GNL2: variants seen among roughly 807,000 people sequenced by gnomAD.
The protein encoded by GNL2 is G protein nucleolar 2.
Under a neutral mutation model 92.3 loss-of-function variants are expected in GNL2, and 51 were observed. The observed-to-expected ratio is 0.55, with a 90% CI of 0.44 to 0.70. GNL2 has a LOEUF of 0.70. GNL2 is among the 30% of genes least tolerant of loss of function. The pLI is 0.00. For missense variants in GNL2, 844 were observed against 895.6 expected, an observed-to-expected ratio of 0.94 and a Z score of 0.74; for synonymous variants, 283 against 300.6, an observed-to-expected ratio of 0.94 and a Z score of 0.61.
chr1:37,568,141 T>C, intron 14 of GNL2, 134 bp downstream of exon 14: 1 of 639,132 alleles, frequency 1.6e-6, no homozygotes, highest in South Asian at 2.0e-5. Context: ...TAACACTATG[T>C]AAATTTAAAG....
At chr1:37,567,630 T>C in intron 15 of GNL2, 43 bp downstream of exon 15, 1 of 1,268,604 alleles carries the variant, frequency 7.9e-7, no homozygotes, top group Non-Finnish European at 1.2e-6. Flanking sequence ...ACTGGAGTTC[T>C]AGTTACTCTA....
At chr1:37,592,346 T>G (rs1298411871) in intron 3 of GNL2, among the ~76,000 whole-genome samples, 1 of 152,164 alleles carries the variant, frequency 6.6e-6, no homozygotes, top group Non-Finnish European at 1.5e-5. Context: ...AACTTCGGGC[T>G]AATGCACTTA....
chr1:37,581,190 A>G (rs902453635), intron 8 of GNL2, among the ~76,000 whole-genome samples: 1 of 152,202 alleles, frequency 6.6e-6, no homozygotes, highest in Non-Finnish European at 1.5e-5. Flanking sequence ...AATCATAAGC[A>G]TGTACTAAAA....
chr1:37,571,961 A>AG (rs1314262232), intron 12 of GNL2, among the ~76,000 whole-genome samples: 1 of 151,684 alleles, frequency 6.6e-6, no homozygotes, highest in Non-Finnish European at 1.5e-5. Context: ...TTCCAGCCAC[A>AG]GTGACCTCCT....
In GNL2 at chr1:37,569,236, T is replaced by C. The variant is rs764582832; in HGVS notation, c.1483A>G (p.Thr495Ala). 8 of 1,613,734 alleles carry C rather than the reference T, an allele frequency of 5.0e-6. No individual in the cohort carries two copies. The highest frequency in any genetic ancestry group is 1.7e-5 in the Admixed American group (1 of 60,006). Residue 495 changes from threonine to alanine, a missense_variant, in exon 13 of 16, where the codon ACA becomes GCA. By Grantham distance (58) the Thr-to-Ala change is moderately conservative. Coordinates refer to ENST00000373062, the MANE Select transcript of GNL2 (RefSeq NM_013285.3). Reference protein sequence around the residue: ...AAQNNPGEEVTETAGEGSESI... With the variant: ...AAQNNPGEEVAETAGEGSESI... ...TCTGACCCTTCACCTGCAGTTTCTGTGACTTCCTCCCCTGGATTGTTCTGG... is the reference window on the plus strand; with the variant it reads ...TCTGACCCTTCACCTGCAGTTTCTGCGACTTCCTCCCCTGGATTGTTCTGG...
At chr1:37,572,527 T>C (rs1330701346) in intron 12 of GNL2, among the ~76,000 whole-genome samples, 1 of 152,162 alleles carries the variant, frequency 6.6e-6, no homozygotes, top group African/African-American at 2.4e-5. Flanking sequence ...CATGTCTATG[T>C]AATGAAACCT....
intron 12 of GNL2, among the ~76,000 whole-genome samples, chr1:37,573,719 T>C (rs1643631283): frequency 6.6e-6 from 1 of 152,220 alleles, no homozygotes; most frequent in African/African-American, 2.4e-5. Flanking sequence ...ATGAGCCCTC[T>C]TTTTCCAAGG....
At chr1:37,583,039 ACTT>A in intron 6 of GNL2, 103 bp from the exon 7 acceptor site, 1 of 716,638 alleles carries the variant, frequency 1.4e-6, no homozygotes, top group Non-Finnish European at 2.2e-6. Context: ...TTTAGAGACA[ACTT>A]CAAAACAGTC....
rs1164225360 is a variant in GNL2 at position 37,568,929 on chromosome 1, A to C, written c.1790T>G (p.Ile597Ser). Residue 597 changes from isoleucine (I) to serine (S), a missense_variant, in exon 13 of 16, where the codon ATT becomes AGT. Coordinates refer to ENST00000373062, the MANE Select transcript of GNL2 (RefSeq NM_013285.3). Reference sequence around the variant, plus strand: ...GGCAATCTTCTCATCCAGTGCTTTAATAACGGCTTTGGTGTCGTTTCCCAC... The same window carrying C: ...GGCAATCTTCTCATCCAGTGCTTTACTAACGGCTTTGGTGTCGTTTCCCAC... ...ENVGNDTKAV[I>S]KALDEKIAKY... The C allele has an allele frequency of 1.2e-6, 2 of 1,614,194 alleles. No individual in the cohort carries two copies. Among genetic ancestry groups the C allele is most frequent in the South Asian group, 2.2e-5 (2 of 91,082 alleles).
rs201824082 is a variant in GNL2 at position 37,582,907 on chromosome 1, T to C, written c.666A>G (p.Gln222=). 153 of 1,612,788 alleles carry C rather than the reference T, an allele frequency of 9.5e-5. No individual in the cohort carries two copies. The highest frequency in any genetic ancestry group is 1.3e-4 in the Non-Finnish European group (148 of 1,179,258). ...KVIDSSDVVV[Q]VLDARDPMGT... is the part of the protein sequence containing the mutation. ...CCATTGGATCTCTAGCATCAAGAACTTGAACTACAACATCTGATGAATCTA... is the reference window on the plus strand; with the variant it reads ...CCATTGGATCTCTAGCATCAAGAACCTGAACTACAACATCTGATGAATCTA... Residue 222 remains glutamine (Q), a synonymous_variant, in exon 7 of 16, where the codon CAA becomes CAG. Coordinates refer to ENST00000373062, the MANE Select transcript of GNL2 (RefSeq NM_013285.3).
In GNL2 at chr1:37,569,149, G is replaced by C. The variant is rs145042243; in HGVS notation, c.1570C>G (p.Gln524Glu). 1 of 1,614,022 alleles carries C rather than the reference G, an allele frequency of 6.2e-7. No individual in the cohort carries two copies. Among genetic ancestry groups the C allele is most frequent in the African/African-American group, 1.3e-5 (1 of 74,918 alleles). Residue 524 changes from glutamine to glutamate, a missense_variant, in exon 13 of 16, where the codon CAG becomes GAG. Transcript: ENST00000373062. The stretch of plus-strand genomic sequence containing the variant: ...TTCTGCCGAACTCGTGTGAGAATCT[G>C]CTGCATCTCTGTGTTAGCATCACAG... ...SHCDANTEMQ[Q>E]ILTRVRQNFG...
In GNL2 at chr1:37,575,558, C is replaced by G. The variant is rs746278786; in HGVS notation, c.1143+37G>C. On this transcript the variant is annotated intron_variant, in intron 10 of 15. Coordinates refer to ENST00000373062, the MANE Select transcript of GNL2 (RefSeq NM_013285.3). The surrounding 1 kb of genome is among the most constrained non-coding windows in gnomAD (Gnocchi z 4.1). ...CAGGGTTCCCTATAGAACACTCCCC[C>G]GCAAACACAAACAGCCTATCAGGGC... The G allele has an allele frequency of 3.1e-6, 4 of 1,291,286 alleles. No homozygotes were observed. In the Admixed American group the frequency reaches 9.3e-5, roughly 30 times the overall value. 80.0% of individuals were successfully genotyped at this position (1,291,286 alleles called of 1,614,324 possible).
chr1:37,568,081 A>G (rs967163897), intron 14 of GNL2, 194 bp downstream of exon 14: 8 of 597,124 alleles, frequency 1.3e-5, no homozygotes, highest in Non-Finnish European at 2.4e-5. Context: ...TGAATTGCCA[A>G]TTTAATCCTA....
At chr1:37,590,967 C>T (rs528857739) in intron 3 of GNL2, 122 bp from the exon 4 acceptor site, 7 of 832,530 alleles carry the variant, frequency 8.4e-6, no homozygotes, top group Middle Eastern at 2.4e-4. Context: ...TCCATCCATC[C>T]CTTGGAGCTG....
At chr1:37,572,766 T>G (rs1291151000) in intron 12 of GNL2, among the ~76,000 whole-genome samples, 1 of 152,274 alleles carries the variant, frequency 6.6e-6, no homozygotes, top group South Asian at 2.1e-4. Context: ...CCAGAACCCC[T>G]GAATTTGTAG....
intron 12 of GNL2, among the ~76,000 whole-genome samples, chr1:37,571,663 G>C (rs986943899): frequency 6.6e-6 from 1 of 152,098 alleles, no homozygotes; most frequent in African/African-American, 2.4e-5. Flanking sequence ...TGACCCTACG[G>C]TTAAACTTCT....
rs907979004 is a variant in GNL2 at position 37,590,735 on chromosome 1, A to G, written c.355T>C (p.Ser119Pro). The G allele has an allele frequency of 3.3e-5, 54 of 1,613,212 alleles. No individual in the cohort carries two copies. The highest frequency in any genetic ancestry group is 4.0e-5 in the Non-Finnish European group (47 of 1,179,316). Residue 119 changes from serine (S) to proline (P), a missense_variant, in exon 4 of 16, where the codon TCT (serine) becomes CCT (proline). By Grantham distance (74) the Ser-to-Pro change is moderately conservative. Coordinates refer to ENST00000373062, the MANE Select transcript of GNL2 (RefSeq NM_013285.3). Reference sequence around the variant, plus strand: ...GGCCGGATTCGATCATGGAGAAGAGACATTGGTAACTTGCTTTGCTTCATG... The same window carrying G: ...GGCCGGATTCGATCATGGAGAAGAGGCATTGGTAACTTGCTTTGCTTCATG... ...VVMKQSKLPMSLLHDRIRPHN... is the reference protein window; with the variant it reads ...VVMKQSKLPMPLLHDRIRPHN...
At position 37,567,719 on chromosome 1, in the gene GNL2, T is replaced by G; in HGVS notation, c.1997A>C (p.Glu666Ala). ...GKKRKAQREE[E>A]QEHSNKAPRA... Reference sequence around the variant, plus strand: ...GGGAGCTTTATTTGAATGTTCCTGTTCCTCTTCCCTTTGTGCCTTCCGCTT... The same window carrying G: ...GGGAGCTTTATTTGAATGTTCCTGTGCCTCTTCCCTTTGTGCCTTCCGCTT... Residue 666 changes from glutamate to alanine, a missense_variant, in exon 15 of 16, where the codon GAA becomes GCA. Coordinates refer to ENST00000373062, the MANE Select transcript of GNL2 (RefSeq NM_013285.3). 6.2e-7 allele frequency: 1 copy of G among 1,614,056 alleles called. No homozygotes were observed. Among genetic ancestry groups the G allele is most frequent in the South Asian group, 1.1e-5 (1 of 91,086 alleles).
At chr1:37,569,493 G>A (rs1269043203) in intron 12 of GNL2, 191 bp from the exon 13 acceptor site, 1 of 565,856 alleles carries the variant, frequency 1.8e-6, no homozygotes, top group Non-Finnish European at 3.1e-6. Context: ...TCAGTACTAG[G>A]ATCAAAGGAA....
Sources: allele counts gnomAD v4.1 joint callset (sites outside exome capture counted in the v4.1 genomes callset), GRCh38; gene constraint gnomAD v4.1.1; non-coding constraint Gnocchi (gnomAD v3.1); transcripts MANE v1.5; gene names NCBI Gene and HGNC (gene_info 2026-07-23, HGNC 2026-07-21).